The following DND1 variants were observed in gnomAD, a reference collection of about 807,000 sequenced individuals.
The protein encoded by DND1 is dead end protein homolog 1.
A neutral mutation model predicts 30.4 loss-of-function variants in DND1; 6 were observed. The ratio of observed to expected loss-of-function variants is 0.20; its 90% confidence interval spans 0.11 to 0.39. DND1 has a LOEUF of 0.39. Ranked by LOEUF, DND1 falls within the 10% of genes least tolerant of loss-of-function variation. The pLI, the probability that DND1 is intolerant of heterozygous loss-of-function variation, is 1.00. For synonymous variants in DND1, 178 were observed against 210.4 expected (o/e 0.85, Z 1.33); for missense variants, 358 against 474.9 (o/e 0.75, Z 2.29).
At chr5:140,671,888 A>G in intron 3 of DND1, 138 bp from the exon 4 acceptor site, 1 of 961,874 alleles carries the variant, frequency 1.0e-6, no homozygotes, top group Non-Finnish European at 1.6e-6. Context: ...GTAAGAAAAG[A>G]CAATGAAGCC....
At position 140,673,028 on chromosome 5, in the gene DND1, G is replaced by A. The variant is rs1381678074; in HGVS notation, c.143-122C>T. On this transcript the variant is annotated intron_variant, in intron 2 of 3. Transcript: ENST00000542735. ...AGGTCTGTGAAATGGGTTTACACCCGTACCCTGGGTGGTTGGCATAATTAG... is the reference window on the plus strand; with the variant it reads ...AGGTCTGTGAAATGGGTTTACACCCATACCCTGGGTGGTTGGCATAATTAG... 1.1e-5 allele frequency: 13 copies of A among 1,182,014 alleles called. No individual in the cohort carries two copies. In the Admixed American group the frequency reaches 2.6e-4, roughly 24 times the overall value. 73.2% of individuals were successfully genotyped at this position (1,182,014 alleles called of 1,614,324 possible).
chr5:140,673,227 G>C, intron 2 of DND1, 44 bp downstream of exon 2: 1 of 1,601,378 alleles, frequency 6.2e-7, no homozygotes, highest in Non-Finnish European at 8.5e-7. Flanking sequence ...CCCCCAAAGG[G>C]GGCTGGTGTA....
rs1395869422 is a variant in DND1, at chr5:140,673,401, G to A, written c.25-13C>T. 2 of 1,614,114 alleles carry A rather than the reference G, an allele frequency of 1.2e-6. No homozygotes were observed. Among genetic ancestry groups the A allele is most frequent in the Admixed American group, 1.7e-5 (1 of 60,032 alleles). ...TCTCACACCACAGCTGAGAGGGAAA[G>A]GAAGGTTGGAATGGCGGATCGCCAA... On this transcript the variant is annotated splice_polypyrimidine_tract_variant and intron_variant, in intron 1 of 3. Coordinates refer to ENST00000542735, the MANE Select transcript of DND1 (RefSeq NM_194249.3).
At chr5:140,671,823 A>G in intron 3 of DND1, 73 bp from the exon 4 acceptor site, 1 of 1,473,366 alleles carries the variant, frequency 6.8e-7, no homozygotes, top group Non-Finnish European at 9.3e-7. Context: ...AGCCCTTTGG[A>G]GCTACACAGT....
chr5:140,671,613 C>T lies in DND1; in HGVS notation c.742G>A (p.Asp248Asn), dbSNP rs1279743294. ...CGAGCCCCTTGGAACCCTAACTTGT[C>T]CCTTGCCAAAGCCAACTGGCTGCCC... is the stretch of plus-strand genomic sequence containing the variant. ...PEGSQLALAR[D>N]KLGFQGARAT... The change falls in exon 4 of 4, where the codon GAC becomes AAC. Residue 248 changes from aspartate (D) to asparagine (N), a missense_variant. Physicochemically the swap from Asp to Asn is conservative, Grantham distance 23. Coordinates refer to ENST00000542735, the MANE Select transcript of DND1 (RefSeq NM_194249.3). 6 of 1,574,164 alleles carry T rather than the reference C, an allele frequency of 3.8e-6. No individual in the cohort carries two copies. The highest frequency in any genetic ancestry group is 3.5e-5 in the South Asian group (3 of 86,190).
intron 1 of DND1, 60 bp downstream of exon 1, chr5:140,673,459 C>T: frequency 6.2e-7 from 1 of 1,613,598 alleles, no homozygotes; most frequent in Non-Finnish European, 8.5e-7. Context: ...GTACTGGGGT[C>T]CCTAAAGCCG....
rs1758059581 is a variant in DND1 at position 140,671,038 on chromosome 5, G to A, written c.*255C>T. The A allele has an allele frequency of 1.4e-5, 8 of 579,852 alleles. No individual in the cohort carries two copies. Among genetic ancestry groups the A allele is most frequent in the African/African-American group, 3.7e-5 (2 of 53,440 alleles). 35.9% of individuals were successfully genotyped at this position (579,852 alleles called of 1,614,324 possible). ...ATCGGGTGGGGGTGGGACAAGGAAC[G>A]GCCATGGAAGATCACTGGGTCAGGT... is the stretch of plus-strand genomic sequence containing the variant. On this transcript the variant is annotated 3_prime_UTR_variant, in exon 4 of 4. Coordinates refer to ENST00000542735, the MANE Select transcript of DND1 (RefSeq NM_194249.3).
rs1236614505 is a variant in DND1, at chr5:140,671,065, G to A, written c.*228C>T. ...CCATGGAAGATCACTGGGTCAGGTT[G>A]GACCCTGGGCTGGGAGCGGGAGGGC... is the stretch of plus-strand genomic sequence containing the variant. On this transcript the variant is annotated 3_prime_UTR_variant, in exon 4 of 4. Transcript: ENST00000542735. 2 of 613,640 alleles carry A rather than the reference G, an allele frequency of 3.3e-6. No individual in the cohort carries two copies. Among genetic ancestry groups the A allele is most frequent in the South Asian group, 1.9e-5 (1 of 51,282 alleles). 38.0% of individuals were successfully genotyped at this position (613,640 alleles called of 1,614,324 possible).
Position 140,671,272 on chromosome 5 carries a change from G to T in DND1, c.*21C>A. On this transcript the variant is annotated 3_prime_UTR_variant, in exon 4 of 4. Coordinates refer to ENST00000542735, the MANE Select transcript of DND1 (RefSeq NM_194249.3). ...CAGGCTCTGCATGCCCATTCAGGGT[G>T]CCTGTGGAGAAAGAATGGAGTCACT... is the stretch of plus-strand genomic sequence containing the variant. The T allele has an allele frequency of 6.2e-7, 1 of 1,612,350 alleles. No individual in the cohort carries two copies. The highest frequency in any genetic ancestry group is 1.8e-4 in the Middle Eastern group (1 of 5,710).
At chr5:140,673,152 T>G (rs1343075903) in intron 2 of DND1, 119 bp downstream of exon 2, 1 of 1,223,820 alleles carries the variant, frequency 8.2e-7, no homozygotes, top group African/African-American at 1.5e-5. Flanking sequence ...CAGTTCCTCC[T>G]TTGCTGGGGG....
At position 140,673,083 on chromosome 5, in the gene DND1, GAGT is replaced by G. The variant is rs1758137234; in HGVS notation, c.143-180_143-178del. 4 of 995,492 alleles carry G rather than the reference GAGT, an allele frequency of 4.0e-6. No homozygotes were observed. In the Admixed American group the frequency reaches 7.1e-5, roughly 18 times the overall value. The allele number at this position is 995,492 out of a possible 1,614,324, so 61.7% of individuals were successfully genotyped here. On this transcript the variant is annotated intron_variant, in intron 2 of 3. Transcript: ENST00000542735. Reference sequence around the variant, plus strand: ...CTGCGCTAACAAGGGGGCTGGCACAGAGTAGGTACACCTTGAGATTGGCCCCCT... The same window carrying G: ...CTGCGCTAACAAGGGGGCTGGCACAGAGGTACACCTTGAGATTGGCCCCCT...
chr5:140,673,436 C>G lies in DND1; in HGVS notation c.25-48G>C, dbSNP rs751098806. 9 of 1,613,812 alleles carry G rather than the reference C, an allele frequency of 5.6e-6. No homozygotes were observed. In the East Asian group the frequency reaches 1.6e-4, roughly 28 times the overall value. On this transcript the variant is annotated intron_variant, in intron 1 of 3. Transcript: ENST00000542735. Reference sequence around the variant, plus strand: ...AATGGCGGATCGCCAAGCGCGCCCCCACCTCTCCTGTGGTACTGGGGTCCC... The same window carrying G: ...AATGGCGGATCGCCAAGCGCGCCCCGACCTCTCCTGTGGTACTGGGGTCCC...
At chr5:140,673,124 C>CG in intron 2 of DND1, 147 bp downstream of exon 2, 1 of 1,053,566 alleles carries the variant, frequency 9.5e-7, no homozygotes, top group South Asian at 1.3e-5. Flanking sequence ...CTCGACGGGG[C>CG]GGGTGGACGT....
chr5:140,673,509 A>G lies in DND1; in HGVS notation c.24+10T>C. The G allele has an allele frequency of 6.3e-7, 1 of 1,598,200 alleles. No homozygotes were observed. Among genetic ancestry groups the G allele is most frequent in the African/African-American group, 1.3e-5 (1 of 74,538 alleles). On this transcript the variant is annotated intron_variant, in intron 1 of 3. Coordinates refer to ENST00000542735, the MANE Select transcript of DND1 (RefSeq NM_194249.3). ...GGGGCTCGCCGGCCCCCAAGTCGCC[A>G]GCCGCTTACCTCACAATCCCGCTTG...
In DND1 at chr5:140,671,611, G is replaced by A; in HGVS notation, c.744C>T (p.Asp248=). 1 of 1,573,672 alleles carries A rather than the reference G, an allele frequency of 6.4e-7. No individual in the cohort carries two copies. Among genetic ancestry groups the A allele is most frequent in the South Asian group, 1.2e-5 (1 of 86,156 alleles). ...CCCGAGCCCCTTGGAACCCTAACTT[G>A]TCCCTTGCCAAAGCCAACTGGCTGC... ...PEGSQLALAR[D]KLGFQGARAT... is the part of the protein sequence containing the mutation. Residue 248 remains aspartate, a synonymous_variant, in exon 4 of 4, where the codon GAC becomes GAT. Coordinates refer to ENST00000542735, the MANE Select transcript of DND1 (RefSeq NM_194249.3).
rs1758079420 is a variant in DND1 at position 140,671,699 on chromosome 5, T to C, written c.656A>G (p.Asp219Gly). The C allele has an allele frequency of 6.3e-7, 1 of 1,585,398 alleles. No homozygotes were observed. The highest frequency in any genetic ancestry group is 2.3e-5 in the East Asian group (1 of 43,954). ...CTGCTGGCGAAGTCGCTGCTTCAGG[T>C]CTGGCTTGAGCCACTCCACAGCCAC... ...EQVAVEWLKP[D>G]LKQRLRQQLV... The change falls in exon 4 of 4, where the codon GAC becomes GGC. Residue 219 changes from aspartate (D) to glycine (G), a missense_variant. Physicochemically the swap from Asp to Gly is moderately conservative, Grantham distance 94. Around this residue, in one of 3 missense-constraint regions of DND1, gnomAD observed 176 missense variants for 235.2 expected, o/e 0.75. Coordinates refer to ENST00000542735, the MANE Select transcript of DND1 (RefSeq NM_194249.3).
In DND1 at chr5:140,672,532, T is replaced by C. The variant is rs1287640544; in HGVS notation, c.517A>G (p.Ser173Gly). 2.5e-6 allele frequency: 4 copies of C among 1,591,258 alleles called. No homozygotes were observed. The highest frequency in any genetic ancestry group is 1.3e-5 in the African/African-American group (1 of 74,604). Residue 173 changes from serine to glycine, a missense_variant, in exon 3 of 4, where the codon AGC becomes GGC. Transcript: ENST00000542735. The part of the protein sequence containing the change: ...PGLQEARLLP[S>G]PGPAPGQIAL... ...ATCTGCCCGGGCGCCGGTCCGGGGC[T>C]GGGCAGCAGCCGCGCCTCCTGCAAG...
At chr5:140,672,032 GC>G (rs1758091094) in intron 3 of DND1, 2 of 577,232 alleles carry the variant, frequency 3.5e-6, no homozygotes, top group Non-Finnish European at 6.2e-6. Flanking sequence ...GGGAAAACTT[GC>G]TGTAAGTCAG....
chr5:140,671,177 G>A lies in DND1; in HGVS notation c.*116C>T, dbSNP rs1758062915. ...CCCAGCAGGGAGGCTGATGGGCCTG[G>A]GCCCATGCCCCTCCCCACCTTTGGG... is the stretch of plus-strand genomic sequence containing the variant. On this transcript the variant is annotated 3_prime_UTR_variant, in exon 4 of 4. Transcript: ENST00000542735. 2.2e-6 allele frequency: 3 copies of A among 1,346,884 alleles called. No individual in the cohort carries two copies. Among genetic ancestry groups the A allele is most frequent in the Non-Finnish European group, 3.2e-6 (3 of 948,778 alleles). 83.4% of individuals were successfully genotyped at this position (1,346,884 alleles called of 1,614,324 possible).
Sources: gnomAD v4.1 joint callset for allele counts on GRCh38, gnomAD v4.1.1 for gene constraint, gnomAD v4.1.1 regional missense constraint, MANE v1.5 for transcripts, NCBI Gene and HGNC (gene_info 2026-07-23, HGNC 2026-07-21) for gene names.